Variants in CMTR1 observed in about 807,000 individuals in gnomAD.
CMTR1 encodes cap-specific mRNA (nucleoside-2'-O-)-methyltransferase 1.
A neutral mutation model predicts 107.0 loss-of-function variants in CMTR1; 39 were observed. That is an observed-to-expected ratio of 0.36 (90% CI 0.28 to 0.48). CMTR1 has a LOEUF of 0.48. Ranked by LOEUF, CMTR1 falls within the 20% of genes least tolerant of loss-of-function variation. CMTR1 has a pLI of 0.99. For missense variants in CMTR1, 672 were observed against 1,064.9 expected, an observed-to-expected ratio of 0.63 and a Z score of 5.14; for synonymous variants, 366 against 379.5, an observed-to-expected ratio of 0.96 and a Z score of 0.41.
intron 1 of CMTR1, among the ~76,000 whole-genome samples, chr6:37,434,263 T>A (rs937541798): frequency 6.6e-6 from 1 of 152,182 alleles, no homozygotes; most frequent in Non-Finnish European, 1.5e-5. Context: ...TTGGGTTGAT[T>A]GGCTCTTCCT....
At chr6:37,446,610 CAG>C (rs1554198151) in intron 4 of CMTR1, among the ~76,000 whole-genome samples, 161 bp downstream of exon 4, 2 of 152,200 alleles carry the variant, frequency 1.3e-5, no homozygotes, top group Non-Finnish European at 2.9e-5. Context: ...GAATGGAAAA[CAG>C]AAGGCTGGGG....
rs1761644529 is a variant in CMTR1 at position 37,472,325 on chromosome 6, A to T, written c.1621-94A>T. 8.9e-7 allele frequency: 1 copy of T among 1,121,046 alleles called. No homozygotes were observed. Among genetic ancestry groups the T allele is most frequent in the African/African-American group, 1.5e-5 (1 of 65,474 alleles). The allele number at this position is 1,121,046 out of a possible 1,614,324, so 69.4% of individuals were successfully genotyped here. On this transcript the variant is annotated intron_variant, in intron 15 of 23. Transcript: ENST00000373451. This position sits in a 1 kb window ranked among gnomAD's most constrained non-coding sequence, Gnocchi z 4.1. ...TTGTTGTGTGCCATTCCTCCTCCCC[A>T]GTCTGACCCTATCTCCTCCACCTGC...
Position 37,458,843 on chromosome 6 carries a change from G to T in CMTR1, c.976+33G>T. ...CATTGAGGAGGGTACTAGGAGGTATGAGGGACAGCCCCTCTATGGGGACTT... is the reference window on the plus strand; with the variant it reads ...CATTGAGGAGGGTACTAGGAGGTATTAGGGACAGCCCCTCTATGGGGACTT... On this transcript the variant is annotated intron_variant, in intron 9 of 23. Transcript: ENST00000373451. The surrounding 1 kb of genome is among the most constrained non-coding windows in gnomAD (Gnocchi z 4.7). The T allele has an allele frequency of 6.2e-7, 1 of 1,601,888 alleles. No individual in the cohort carries two copies. Among genetic ancestry groups the T allele is most frequent in the South Asian group, 1.1e-5 (1 of 90,668 alleles).
intron 6 of CMTR1, 55 bp from the exon 7 acceptor site, chr6:37,452,992 T>G: frequency 1.3e-6 from 2 of 1,539,046 alleles, no homozygotes; most frequent in South Asian, 2.2e-5. Flanking sequence ...CTGCAGGGTC[T>G]TAAGGTCCCT....
At position 37,435,662 on chromosome 6, in the gene CMTR1, C is replaced by G. The variant is rs751776488; in HGVS notation, c.33C>G (p.Ala11=). 6.9e-6 allele frequency: 11 copies of G among 1,600,928 alleles called. No individual in the cohort carries two copies. The South Asian group carries it at 7.9e-5, about 12-fold the overall frequency. The change falls in exon 2 of 24, where the codon GCC becomes GCG. Residue 11 remains alanine (A), a synonymous_variant. Transcript: ENST00000373451. Reference sequence around the variant, plus strand: ...GGAGAACTGACCCAGAATGCACTGCCCCCATCAAGAAACAGAAAAAAAGAG... The same window carrying G: ...GGAGAACTGACCCAGAATGCACTGCGCCCATCAAGAAACAGAAAAAAAGAG... MKRRTDPECT[A]PIKKQKKRVA...
chr6:37,430,037 A>G (rs1047951672), upstream of CMTR1, among the ~76,000 whole-genome samples: 1 of 152,248 alleles, frequency 6.6e-6, no homozygotes, highest in Non-Finnish European at 1.5e-5. Flanking sequence ...GATTTAAGCC[A>G]AATGTAATTT....
intron 4 of CMTR1, 54 bp downstream of exon 4, chr6:37,446,503 T>C: frequency 6.4e-7 from 1 of 1,570,700 alleles, no homozygotes; most frequent in Non-Finnish European, 8.6e-7. Flanking sequence ...TTTGGATGCA[T>C]GGCTTTAAGA....
intron 13 of CMTR1, among the ~76,000 whole-genome samples, chr6:37,467,865 G>A (rs779193463): frequency 6.6e-6 from 1 of 152,078 alleles, no homozygotes; most frequent in African/African-American, 2.4e-5. Flanking sequence ...TAGACAACAT[G>A]TGGTTGAGTC....
chr6:37,473,474 C>T lies in CMTR1; in HGVS notation c.1694C>T (p.Thr565Ile), dbSNP rs201469465. 3 of 1,613,326 alleles carry T rather than the reference C, an allele frequency of 1.9e-6. No homozygotes were observed. Among genetic ancestry groups the T allele is most frequent in the Non-Finnish European group, 2.5e-6 (3 of 1,179,544 alleles). Residue 565 changes from threonine to isoleucine, a missense_variant, in exon 17 of 24, where the codon ACT becomes ATT. Transcript: ENST00000373451. ...KSKFFELIQG[T>I]EIDIFSYKPT... The stretch of plus-strand genomic sequence containing the variant: ...TTCTCTGACTCGTGGCTGCAGGGCA[C>T]TGAGATTGACATCTTCAGCTACAAG...
At position 37,435,172 on chromosome 6, in the gene CMTR1, A is replaced by G. The variant is rs1168611383; in HGVS notation, c.-6-452A>G. Among the ~76,000 whole-genome samples, 3 of 152,142 alleles carry G rather than the reference A, an allele frequency of 2.0e-5. No homozygotes were observed. The East Asian group carries it at 5.8e-4, about 29-fold the overall frequency. ...ATTTCTTAATTGTTTTGGTAAAATA[A>G]TGCTGATGAAACAGTCATTCTGGGA... On this transcript the variant is annotated intron_variant, in intron 1 of 23. Transcript: ENST00000373451.
At chr6:37,438,080 G>A (rs1307882829) in intron 2 of CMTR1, among the ~76,000 whole-genome samples, 1 of 152,282 alleles carries the variant, frequency 6.6e-6, no homozygotes, top group Admixed American at 6.5e-5. Flanking sequence ...GCTGTTGTGT[G>A]TGTAGAATGG....
At chr6:37,428,565 C>G (rs1771324586), upstream of CMTR1, among the ~76,000 whole-genome samples, 1 of 152,188 alleles carries the variant, frequency 6.6e-6, no homozygotes, top group Non-Finnish European at 1.5e-5. Context: ...TCAAGCGATT[C>G]TCCTGCCTCA....
intron 5 of CMTR1, 25 bp downstream of exon 5, chr6:37,450,368 T>C (rs1771923765): frequency 1.3e-6 from 2 of 1,569,202 alleles, no homozygotes; most frequent in East Asian, 2.2e-5. Flanking sequence ...AAACGTACCC[T>C]GACTTCTTGG....
the CMTR1 span, among the ~76,000 whole-genome samples, chr6:37,424,714 A>C: frequency 6.6e-6 from 1 of 152,230 alleles, no homozygotes; most frequent in African/African-American, 2.4e-5. Flanking sequence ...TCATATAAAA[A>C]ATAAAAAGTG....
At position 37,470,922 on chromosome 6, in the gene CMTR1, A is replaced by G. The variant is rs1561791763; in HGVS notation, c.1506-99A>G. On this transcript the variant is annotated intron_variant, in intron 13 of 23. Transcript: ENST00000373451. ...CTCAACTCTCCAGCTCCTTCACCAAATATAGATGGCCACTGCTCCCGTTTA... is the reference window on the plus strand; with the variant it reads ...CTCAACTCTCCAGCTCCTTCACCAAGTATAGATGGCCACTGCTCCCGTTTA... The G allele has an allele frequency of 6.4e-6, 6 of 936,690 alleles. No homozygotes were observed. The South Asian group carries it at 9.0e-5, about 14-fold the overall frequency. The allele number at this position is 936,690 out of a possible 1,614,324, so 58.0% of individuals were successfully genotyped here.
At chr6:37,451,053 ATT>A (rs373718495) in intron 5 of CMTR1, among the ~76,000 whole-genome samples, 2 of 149,160 alleles carry the variant, frequency 1.3e-5, no homozygotes, top group Non-Finnish European at 3.0e-5. Flanking sequence ...CTCCTCACTC[ATT>A]TTTTTTTTGG....
chr6:37,446,163 G>T, intron 3 of CMTR1, 128 bp from the exon 4 acceptor site: 1 of 1,032,330 alleles, frequency 9.7e-7, no homozygotes, highest in Non-Finnish European at 1.4e-6. Context: ...TCTTCATTAG[G>T]CTAAGACAAA....
At chr6:37,457,792 T>C (rs1381854823) in intron 8 of CMTR1, among the ~76,000 whole-genome samples, 1 of 152,158 alleles carries the variant, frequency 6.6e-6, no homozygotes, top group East Asian at 1.9e-4. Context: ...GGAAGGTTCC[T>C]GTGGCTGGGA....
Position 37,480,169 on chromosome 6 carries a change from G to A in CMTR1, c.*24G>A. On this transcript the variant is annotated 3_prime_UTR_variant, in exon 24 of 24. Coordinates refer to ENST00000373451, the MANE Select transcript of CMTR1 (RefSeq NM_015050.3). ...AAGAGCCTCAGAATGTGCCACCCCT[G>A]CAGAATGCCCTGTCATTCCTGAGAT... 6.3e-7 allele frequency: 1 copy of A among 1,595,366 alleles called. No homozygotes were observed.
Sources: allele counts gnomAD v4.1 joint callset (sites outside exome capture counted in the v4.1 genomes callset), GRCh38; gene constraint gnomAD v4.1.1; non-coding constraint Gnocchi (gnomAD v3.1); transcripts MANE v1.5; gene names NCBI Gene and HGNC (gene_info 2026-07-23, HGNC 2026-07-21).